BRINP3: variants seen among roughly 807,000 people sequenced by gnomAD.
The protein encoded by BRINP3 is BMP/retinoic acid-inducible neural-specific protein 3.
BRINP3 carries 19 observed loss-of-function variants against 71.0 expected under a neutral mutation model. The ratio of observed to expected loss-of-function variants is 0.27; its 90% CI spans 0.19 to 0.39. The LOEUF is 0.39. Ranked by LOEUF, BRINP3 falls within the 10% of genes least tolerant of loss-of-function variation. The probability of loss-of-function intolerance (pLI) is 1.00; values close to 1 mark genes in which losing one functional copy is unlikely to be tolerated. For missense variants in BRINP3, 959 were observed against 940.8 expected, an observed-to-expected ratio of 1.02 and a Z score of -0.25; for synonymous variants, 380 against 337.7, an observed-to-expected ratio of 1.13 and a Z score of -1.37.
intron 2 of BRINP3, among the ~76,000 whole-genome samples, chr1:190,287,056 T>C (rs1358988668): frequency 7.6e-6 from 1 of 131,080 alleles, no homozygotes; most frequent in Non-Finnish European, 1.6e-5. Flanking sequence ...CTGTCTCTAC[T>C]AAAAAAAAAA....
At position 190,098,104 on chromosome 1, in the gene BRINP3, C is replaced by T. The variant is rs1252327955; in HGVS notation, c.2215G>A (p.Val739Met). ...RHRLKLSTSE[V>M]VRIQSALQAF... is the part of the protein sequence containing the mutation. ...TGCAGAGCAGATTGGATCCTCACCACCTCACTAGTAGACAGCTTGAGTCTA... is the reference window on the plus strand; with the variant it reads ...TGCAGAGCAGATTGGATCCTCACCATCTCACTAGTAGACAGCTTGAGTCTA... The change falls in exon 8 of 8, where the codon GTG becomes ATG. Residue 739 changes from valine (V) to methionine (M), a missense_variant. By Grantham distance (21) the Val-to-Met change is conservative. Coordinates refer to ENST00000367462, the MANE Select transcript of BRINP3 (RefSeq NM_199051.3). The T allele has an allele frequency of 1.2e-6, 2 of 1,614,166 alleles. No homozygotes were observed. Among genetic ancestry groups the T allele is most frequent in the Non-Finnish European group, 8.5e-7 (1 of 1,180,030 alleles).
intron 2 of BRINP3, among the ~76,000 whole-genome samples, chr1:190,421,683 G>C (rs1673397767): frequency 6.6e-6 from 1 of 151,566 alleles, no homozygotes; most frequent in African/African-American, 2.4e-5. Context: ...AGATAGATTT[G>C]AATCCAGGCA....
At chr1:190,216,323 G>T (rs1656414357) in intron 6 of BRINP3, among the ~76,000 whole-genome samples, 1 of 151,278 alleles carries the variant, frequency 6.6e-6, no homozygotes, top group Non-Finnish European at 1.5e-5. Flanking sequence ...GGTTTTGTGT[G>T]TTTCATTTTT....
intron 2 of BRINP3, among the ~76,000 whole-genome samples, chr1:190,378,705 C>A (rs552377311): frequency 1.4e-4 from 21 of 152,110 alleles, no homozygotes; most frequent in African/African-American, 4.6e-4. Context: ...GCAGTTCTAT[C>A]CAGTAAATTT....
At chr1:190,401,449 C>A (rs1294655319) in intron 2 of BRINP3, among the ~76,000 whole-genome samples, 2 of 149,694 alleles carry the variant, frequency 1.3e-5, no homozygotes, top group Non-Finnish European at 3.0e-5. Context: ...TGTTTTGAAG[C>A]ATGCCCAAAC....
chr1:190,302,572 T>C (rs968184484), intron 2 of BRINP3: 1 of 151,900 alleles, frequency 6.6e-6, no homozygotes, highest in Non-Finnish European at 1.5e-5. Flanking sequence ...ATTATTCATA[T>C]TTGATCTAAC....
At position 190,226,317 on chromosome 1, in the gene BRINP3, C is replaced by A; in HGVS notation, c.726G>T (p.Gly242=). ...GATAGTCTGGGAGAAGTACTTGAAGCCCTTGAAGAACAAACAAAGAAATTA... is the reference window on the plus strand; with the variant it reads ...GATAGTCTGGGAGAAGTACTTGAAGACCTTGAAGAACAAACAAAGAAATTA... ...QSPENKIQLQ[G]LQVLLPDYLQ... is the part of the protein sequence containing the mutation. The change falls in exon 6 of 8, where the codon GGG becomes GGT. Residue 242 remains glycine, a splice_region_variant and synonymous_variant. Coordinates refer to ENST00000367462, the MANE Select transcript of BRINP3 (RefSeq NM_199051.3). 1.3e-6 allele frequency: 2 copies of A among 1,530,522 alleles called. No individual in the cohort carries two copies. Among genetic ancestry groups the A allele is most frequent in the Non-Finnish European group, 1.8e-6 (2 of 1,135,802 alleles). The allele number at this position is 1,530,522 out of a possible 1,614,324, so 94.8% of individuals were successfully genotyped here.
chr1:190,301,213 A>G (rs75815458), intron 2 of BRINP3, among the ~76,000 whole-genome samples: 2 of 65,332 alleles, frequency 3.1e-5, no homozygotes, highest in South Asian at 4.8e-4. Flanking sequence ...ACATATATAT[A>G]TATATATATA....
chr1:190,101,231 A>C (rs2102243040), intron 7 of BRINP3, among the ~76,000 whole-genome samples: 1 of 152,308 alleles, frequency 6.6e-6, no homozygotes, highest in South Asian at 2.1e-4. Flanking sequence ...CTTTTAAGAT[A>C]AATTCTCTCA....
At chr1:190,103,176 T>G (rs534567467) in intron 7 of BRINP3, among the ~76,000 whole-genome samples, 1 of 152,144 alleles carries the variant, frequency 6.6e-6, no homozygotes, top group East Asian at 1.9e-4. Context: ...CAGCAGAAGC[T>G]TTGGAATTCA....
chr1:190,373,210 C>A (rs557310524), intron 2 of BRINP3, among the ~76,000 whole-genome samples: 8 of 151,660 alleles, frequency 5.3e-5, no homozygotes, highest in African/African-American at 1.9e-4. Flanking sequence ...GCTAACATGG[C>A]GAAACCCCGT....
intron 4 of BRINP3, among the ~76,000 whole-genome samples, chr1:190,259,428 C>G (rs532630599): frequency 6.6e-6 from 1 of 150,466 alleles, no homozygotes; most frequent in South Asian, 2.1e-4. Context: ...TTGACAAAAT[C>G]AACACATTTT....
intron 2 of BRINP3, among the ~76,000 whole-genome samples, chr1:190,424,569 G>T (rs1673580665): frequency 6.6e-6 from 1 of 151,630 alleles, no homozygotes; most frequent in South Asian, 2.1e-4. Flanking sequence ...TCCCAACTTT[G>T]CCCCAGTAAG....
chr1:190,393,877 C>T (rs1671411062), intron 2 of BRINP3, among the ~76,000 whole-genome samples: 1 of 151,530 alleles, frequency 6.6e-6, no homozygotes, highest in Non-Finnish European at 1.5e-5. Context: ...AATGTATCCA[C>T]ATGCCTGCCC....
chr1:190,178,706 C>A (rs535145227), intron 6 of BRINP3, among the ~76,000 whole-genome samples: 7 of 152,092 alleles, frequency 4.6e-5, no homozygotes, highest in African/African-American at 1.7e-4. Flanking sequence ...TCATCACTTA[C>A]ATAAGTACCT....
At chr1:190,431,431 T>G (rs1674093263) in intron 2 of BRINP3, among the ~76,000 whole-genome samples, 2 of 152,164 alleles carry the variant, frequency 1.3e-5, no homozygotes. Context: ...CAATCTCAGC[T>G]CACTGCAAAC....
intron 2 of BRINP3, among the ~76,000 whole-genome samples, chr1:190,285,151 T>C (rs1663323680): frequency 1.3e-5 from 2 of 152,048 alleles, no homozygotes; most frequent in African/African-American, 4.8e-5. Context: ...AACAAAATAA[T>C]CCTAAGAAGT....
Position 190,275,958 on chromosome 1 carries a change from T to G in BRINP3, c.427+5602A>C, listed in dbSNP as rs553642191. ...TTACCAGTGAAACATGATATATATA[T>G]ATATAGAGAGAGAGAGACAGAAAGA... On this transcript the variant is annotated intron_variant, in intron 3 of 7. Transcript: ENST00000367462. Among the ~76,000 whole-genome samples, 153 of 150,270 alleles carry G rather than the reference T, an allele frequency of 1.0e-3. 1 individual carries two copies. The East Asian group carries it at 0.018, about 17-fold the overall frequency.
At chr1:190,243,662 G>A (rs533315790) in intron 4 of BRINP3, among the ~76,000 whole-genome samples, 1 of 152,024 alleles carries the variant, frequency 6.6e-6, no homozygotes, top group Non-Finnish European at 1.5e-5. Flanking sequence ...TTGCAACCTG[G>A]TTCAGGGCTG....
Sources: allele counts gnomAD v4.1 joint callset (sites outside exome capture counted in the v4.1 genomes callset), GRCh38; gene constraint gnomAD v4.1.1; transcripts MANE v1.5; gene names NCBI Gene and HGNC (gene_info 2026-07-23, HGNC 2026-07-21).